PNPLA1: variants seen among roughly 807,000 people sequenced by gnomAD.
PNPLA1 encodes the protein omega-hydroxyceramide transacylase.
PNPLA1 carries 36 observed loss-of-function variants against 51.7 expected under a neutral mutation model. The observed-to-expected ratio is 0.70, with a 90% CI of 0.53 to 0.92. The LOEUF (loss-of-function observed/expected upper bound fraction) is 0.92, where lower values mean the gene tolerates loss of function less well. Ranked by LOEUF, PNPLA1 falls within the 40% of genes least tolerant of loss-of-function variation. The pLI is 0.00. For synonymous variants in PNPLA1, 293 were observed against 280.1 expected (o/e 1.05, Z -0.46); for missense variants, 658 against 682.5 (o/e 0.96, Z 0.40).
At chr6:36,252,453 G>C (rs1030036258) in intron 1 of PNPLA1, among the ~76,000 whole-genome samples, 27 of 151,876 alleles carry the variant, frequency 1.8e-4, no homozygotes, top group African/African-American at 6.5e-4. Flanking sequence ...GGCGGGGATG[G>C]AGTAAGGAAG....
intron 5 of PNPLA1, among the ~76,000 whole-genome samples, chr6:36,297,988 C>G (rs559995496): frequency 6.6e-6 from 1 of 152,282 alleles, no homozygotes; most frequent in Admixed American, 6.5e-5. Flanking sequence ...CCTCACCCCC[C>G]GCCATTCCCA....
At chr6:36,282,044 G>GAAAGAAAGAAAGAAAGAAAGAAAGAAA (rs1770301828) in intron 1 of PNPLA1, among the ~76,000 whole-genome samples, 1 of 34,542 alleles carries the variant, frequency 2.9e-5, no homozygotes, top group African/African-American at 1.6e-4. Flanking sequence ...AAAGAAAGAA[G>GAAAGAAAGAAAGAAAGAAAGAAAGAAA]GAAAGAAAGA....
rs190200007 is a variant in PNPLA1, at chr6:36,278,611, A to G, written c.205+7947A>G. On this transcript the variant is annotated intron_variant, in intron 1 of 8. Transcript: ENST00000636260. ...CAGACACGTCTGAAGCCCCGGCTGC[A>G]CTAGTACAGCCCCGCTGTTGTCCAT... 1.2e-3 allele frequency among the ~76,000 whole-genome samples: 187 copies of G among 152,314 alleles called. 3 individuals carry two copies. The South Asian group carries it at 0.031, about 25-fold the overall frequency.
intron 1 of PNPLA1, among the ~76,000 whole-genome samples, chr6:36,282,124 G>GGAAT (rs1561859455): frequency 8.7e-6 from 1 of 114,842 alleles, no homozygotes; most frequent in Non-Finnish European, 1.9e-5. Context: ...AAGGAAGGAA[G>GGAAT]GAAGGAAGGA....
chr6:36,307,968 A>G, intron 8 of PNPLA1: 1 of 364,878 alleles, frequency 2.7e-6, no homozygotes, highest in Non-Finnish European at 5.0e-6. Context: ...TAAAGTTGTG[A>G]GAGTTAAATG....
rs192650325 is a variant in PNPLA1 at position 36,313,494 on chromosome 6, G to A, written c.*1608G>A. Reference sequence around the variant, plus strand: ...GAGACCATATGCAAATTTAAGCCTGGTGGGGCTGGGGATTTAGAGGGTTGG... The same window carrying A: ...GAGACCATATGCAAATTTAAGCCTGATGGGGCTGGGGATTTAGAGGGTTGG... On this transcript the variant is annotated 3_prime_UTR_variant, in exon 9 of 9. Transcript: ENST00000636260. Among the ~76,000 whole-genome samples, 144 of 152,314 alleles carry A rather than the reference G, an allele frequency of 9.5e-4. 1 individual carries two copies. The highest frequency in any genetic ancestry group is 3.4e-3 in the African/African-American group (140 of 41,570).
chr6:36,270,581 G>A lies in PNPLA1; in HGVS notation c.122G>A (p.Arg41Gln), dbSNP rs371743068. 3.9e-6 allele frequency: 6 copies of A among 1,551,498 alleles called. No individual in the cohort carries two copies. The highest frequency in any genetic ancestry group is 4.4e-6 in the Non-Finnish European group (5 of 1,147,008). The change falls in exon 1 of 9, where the codon CGG becomes CAG. Residue 41 changes from arginine (R) to glutamine (Q), a missense_variant. Coordinates refer to ENST00000636260, the MANE Select transcript of PNPLA1 (RefSeq NM_001374623.1). ...AVDALRDLAP[R>Q]MLETAHRFAG... ...GACGCCCTGCGGGACCTGGCCCCCC[G>A]GATGCTGGAAACAGCCCACCGCTTT... is the stretch of plus-strand genomic sequence containing the variant.
At chr6:36,252,136 A>G (rs1029981764) in intron 1 of PNPLA1, among the ~76,000 whole-genome samples, 3 of 152,148 alleles carry the variant, frequency 2.0e-5, no homozygotes, top group African/African-American at 7.2e-5. Flanking sequence ...TCCTTCCTCC[A>G]GGCAGAGACT....
At chr6:36,296,393 T>A (rs1770858341) in intron 5 of PNPLA1, among the ~76,000 whole-genome samples, 1 of 152,242 alleles carries the variant, frequency 6.6e-6, no homozygotes, top group Admixed American at 6.5e-5. Context: ...TTTTCCTTGT[T>A]GCCACATGTC....
intron 1 of PNPLA1, among the ~76,000 whole-genome samples, chr6:36,288,439 C>A (rs985592399): frequency 2.2e-4 from 29 of 134,414 alleles, no homozygotes; most frequent in Admixed American, 3.2e-4. Context: ...CATAAGGAGA[C>A]CCTATTTTTT....
In PNPLA1 at chr6:36,297,269, G is replaced by A. The variant is rs949302100; in HGVS notation, c.775+1845G>A. ...CTTCCGATTTGCCAGTGTATGGCAC[G>A]GGTTTCTCAGCGCAGATTTCACCTC... On this transcript the variant is annotated intron_variant, in intron 5 of 8. Coordinates refer to ENST00000636260, the MANE Select transcript of PNPLA1 (RefSeq NM_001374623.1). Among the ~76,000 whole-genome samples the A allele has an allele frequency of 2.6e-5, 4 of 152,162 alleles. No individual in the cohort carries two copies. The South Asian group carries it at 6.2e-4, about 24-fold the overall frequency.
intron 1 of PNPLA1, among the ~76,000 whole-genome samples, chr6:36,245,957 T>G (rs1769271107): frequency 6.6e-6 from 1 of 152,260 alleles, no homozygotes; most frequent in African/African-American, 2.4e-5. Context: ...CTGTCTGTTA[T>G]TCCACACACA....
chr6:36,249,049 G>A (rs146068567), intron 1 of PNPLA1, among the ~76,000 whole-genome samples: 20 of 152,242 alleles, frequency 1.3e-4, no homozygotes, highest in Admixed American at 4.6e-4. Context: ...GTCCATTAGT[G>A]CTGCTTAGTT....
intron 1 of PNPLA1, among the ~76,000 whole-genome samples, chr6:36,246,203 A>C (rs1322895374): frequency 2.6e-5 from 4 of 151,020 alleles, no homozygotes; most frequent in Non-Finnish European, 2.9e-5. Flanking sequence ...AACAGATCCC[A>C]CATTTTTGGA....
intron 1 of PNPLA1, among the ~76,000 whole-genome samples, chr6:36,258,748 A>G (rs12196677): frequency 0.086 from 13,141 of 152,230 alleles, 668 homozygotes; most frequent in Middle Eastern, 0.16. Context: ...AAGAAGGTAA[A>G]CAGAATTAGG....
At position 36,302,028 on chromosome 6, in the gene PNPLA1, G is replaced by A. The variant is rs1771070003; in HGVS notation, c.943G>A (p.Val315Ile). 1 of 1,614,204 alleles carries A rather than the reference G, an allele frequency of 6.2e-7. No homozygotes were observed. Among genetic ancestry groups the A allele is most frequent in the Non-Finnish European group, 8.5e-7 (1 of 1,180,040 alleles). The change falls in exon 6 of 9, where the codon GTT becomes ATT. Residue 315 changes from valine to isoleucine, a missense_variant. Coordinates refer to ENST00000636260, the MANE Select transcript of PNPLA1 (RefSeq NM_001374623.1). ...AGCCACACAACCTCACAAGGAGTGG[G>A]TTCCCAAAGGGGATGGAAGGGGCAG... ...EGATQPHKEW[V>I]PKGDGRGSHG...
At chr6:36,255,092 A>T (rs7765905) in intron 1 of PNPLA1, among the ~76,000 whole-genome samples, 193 of 152,312 alleles carry the variant, frequency 1.3e-3, no homozygotes, top group African/African-American at 4.3e-3. Flanking sequence ...CAGAGGTTTT[A>T]AAAAAATCTA....
intron 1 of PNPLA1, among the ~76,000 whole-genome samples, chr6:36,273,063 G>A (rs1343290145): frequency 2.0e-5 from 3 of 151,716 alleles, no homozygotes; most frequent in East Asian, 1.9e-4. Flanking sequence ...TGGCCAAATG[G>A]CGAAACCCCT....
chr6:36,298,868 A>G (rs951746499), intron 5 of PNPLA1, among the ~76,000 whole-genome samples: 2 of 152,116 alleles, frequency 1.3e-5, no homozygotes, highest in Non-Finnish European at 2.9e-5. Context: ...CCTCCTGAGT[A>G]CCTGAGACTA....
Sources: gnomAD v4.1 joint callset for allele counts (sites outside exome capture counted in the v4.1 genomes callset) on GRCh38, gnomAD v4.1.1 for gene constraint, MANE v1.5 for transcripts, NCBI Gene and HGNC (gene_info 2026-07-23, HGNC 2026-07-21) for gene names.